The following ANO5 variants were observed in gnomAD, a reference collection of about 807,000 sequenced individuals.
ANO5 encodes anoctamin-5.
Under a neutral mutation model 121.0 loss-of-function variants are expected in ANO5, and 109 were observed. That is an observed-to-expected ratio of 0.90 (90% CI 0.77 to 1.06). ANO5 has a LOEUF of 1.06. Ranked by LOEUF, ANO5 falls within the 50% of genes least tolerant of loss-of-function variation. ANO5 has a pLI of 0.00. For missense variants in ANO5, 1,064 were observed against 1,078.5 expected, an observed-to-expected ratio of 0.99 and a Z score of 0.19; for synonymous variants, 406 against 359.9, an observed-to-expected ratio of 1.13 and a Z score of -1.45.
intron 12 of ANO5, among the ~76,000 whole-genome samples, chr11:22,252,295 C>A (rs1312423640): frequency 6.6e-6 from 1 of 152,076 alleles, no homozygotes; most frequent in Non-Finnish European, 1.5e-5. Flanking sequence ...CCAAATCCTA[C>A]CTCTCATTAC....
At chr11:22,260,282 A>G (rs1214621139) in intron 15 of ANO5, among the ~76,000 whole-genome samples, 2 of 152,200 alleles carry the variant, frequency 1.3e-5, no homozygotes, top group Non-Finnish European at 2.9e-5. Context: ...GTTAAGTGAG[A>G]AATTGAGTTA....
At position 22,193,506 on chromosome 11, in the gene ANO5, A is replaced by G; in HGVS notation, c.14A>G (p.Asp5Gly). 6.2e-7 allele frequency: 1 copy of G among 1,613,056 alleles called. No homozygotes were observed. The highest frequency in any genetic ancestry group is 8.5e-7 in the Non-Finnish European group (1 of 1,179,762). Reference sequence around the variant, plus strand: ...GAGCTGGCGAAGATGGGCGACCCGGATCTCCTGGAAGTGTTGGCGGAGGAA... The same window carrying G: ...GAGCTGGCGAAGATGGGCGACCCGGGTCTCCTGGAAGTGTTGGCGGAGGAA... The part of the protein sequence containing the change: MGDP[D>G]LLEVLAEEGE... Residue 5 changes from aspartate to glycine, a missense_variant, in exon 1 of 22, where the codon GAT becomes GGT. By Grantham distance (94) the Asp-to-Gly change is moderately conservative. Coordinates refer to ENST00000324559, the MANE Select transcript of ANO5 (RefSeq NM_213599.3).
In ANO5 at chr11:22,225,770, G is replaced by A. The variant is rs184707536; in HGVS notation, c.295-214G>A. Among the ~76,000 whole-genome samples the A allele has an allele frequency of 2.0e-3, 310 of 152,076 alleles. 2 individuals are homozygous for A. Among genetic ancestry groups the A allele is most frequent in the Non-Finnish European group, 3.3e-3 (222 of 67,974 alleles). On this transcript the variant is annotated intron_variant, in intron 5 of 21. Transcript: ENST00000324559. ...AGATAGAGGCTCTGCATATTTCCTGGTGATTATTCCTGGATATACTGCATT... is the reference window on the plus strand; with the variant it reads ...AGATAGAGGCTCTGCATATTTCCTGATGATTATTCCTGGATATACTGCATT...
At chr11:22,271,859 C>T (rs1385947550) in intron 18 of ANO5, among the ~76,000 whole-genome samples, 3 of 152,072 alleles carry the variant, frequency 2.0e-5, no homozygotes, top group African/African-American at 7.2e-5. Context: ...CATAATACTT[C>T]CTCTTCATTT....
At chr11:22,227,217 A>G (rs760782029) in intron 6 of ANO5, 85 bp from the exon 7 acceptor site, 16 of 1,535,706 alleles carry the variant, frequency 1.0e-5, no homozygotes, top group Non-Finnish European at 1.3e-5. Flanking sequence ...TTGAGATTTT[A>G]TAAAATATTA....
intron 18 of ANO5, among the ~76,000 whole-genome samples, chr11:22,271,294 C>T (rs1854603395): frequency 6.6e-6 from 1 of 152,114 alleles, no homozygotes; most frequent in Non-Finnish European, 1.5e-5. Flanking sequence ...ATGATTCTCC[C>T]GCCTCGGCCT....
chr11:22,280,382 TTC>T lies in ANO5; in HGVS notation c.*620_*621del, dbSNP rs1286741210. 1.3e-5 allele frequency: 2 copies of T among 151,928 alleles called. No homozygotes were observed. Among genetic ancestry groups the T allele is most frequent in the African/African-American group, 4.8e-5 (2 of 41,402 alleles). 9.4% of individuals were successfully genotyped at this position (151,928 alleles called of 1,614,324 possible). A position where few individuals can be genotyped will look rare whatever the true frequency, so the allele number is the denominator to read the frequency against. On this transcript the variant is annotated 3_prime_UTR_variant, in exon 22 of 22. Transcript: ENST00000324559. ...CTTCCTGGTAAAGGCAGAATTCCTTTTCTCGAGACTGAAATTTTGGGTTTCAA... is the reference window on the plus strand; with the variant it reads ...CTTCCTGGTAAAGGCAGAATTCCTTTTCGAGACTGAAATTTTGGGTTTCAA...
chr11:22,197,076 C>A, intron 1 of ANO5, among the ~76,000 whole-genome samples: 1 of 152,220 alleles, frequency 6.6e-6, no homozygotes, highest in East Asian at 1.9e-4. Context: ...TTCTAAATCA[C>A]CTTTAAATAC....
chr11:22,274,810 T>C (rs1381270547), intron 20 of ANO5, 63 bp downstream of exon 20: 16 of 1,557,368 alleles, frequency 1.0e-5, no homozygotes, highest in Non-Finnish European at 1.2e-5. Flanking sequence ...TCTTAAGTTA[T>C]CTATTACCTT....
intron 3 of ANO5, 143 bp from the exon 4 acceptor site, chr11:22,218,103 C>T: frequency 5.6e-6 from 1 of 178,612 alleles, no homozygotes; most frequent in South Asian, 1.6e-4. Flanking sequence ...TTGTATCCTC[C>T]AGTTTGAAAT....
At chr11:22,267,195 C>A (rs1854396103) in intron 17 of ANO5, among the ~76,000 whole-genome samples, 1 of 151,996 alleles carries the variant, frequency 6.6e-6, no homozygotes, top group Admixed American at 6.6e-5. Flanking sequence ...CACACACATA[C>A]ACAAAGATAT....
intron 3 of ANO5, among the ~76,000 whole-genome samples, chr11:22,214,643 G>A (rs117898271): frequency 0.039 from 5,911 of 151,964 alleles, 157 homozygotes; most frequent in Admixed American, 0.084. Flanking sequence ...AATGATCTTT[G>A]GTGAGGGGAC....
In ANO5 at chr11:22,252,055, A is replaced by AAC. The variant is rs1564937280; in HGVS notation, c.1180+1045_1180+1046insCA. On this transcript the variant is annotated intron_variant, in intron 12 of 21. Transcript: ENST00000324559. Reference sequence around the variant, plus strand: ...AAAAAAAAAAAAAAAAAAAAAAAAAAAAAACTAGGCAAGGGCTGCATTATC... The same window carrying AAC: ...AAAAAAAAAAAAAAAAAAAAAAAAAAACAAAACTAGGCAAGGGCTGCATTATC... Among the ~76,000 whole-genome samples the AAC allele has an allele frequency of 1.2e-3, 171 of 137,848 alleles. 1 individual carries two copies. Among genetic ancestry groups the AAC allele is most frequent in the African/African-American group, 5.1e-3 (169 of 33,384 alleles). The allele number at this position is 137,848 out of a possible 152,430, so 90.4% of individuals were successfully genotyped here. A position where few individuals can be genotyped will look rare whatever the true frequency, so the allele number is the denominator to read the frequency against.
intron 13 of ANO5, among the ~76,000 whole-genome samples, chr11:22,256,306 A>G (rs11026477): frequency 0.12 from 18,587 of 152,122 alleles, 1,392 homozygotes; most frequent in Admixed American, 0.19. Flanking sequence ...TGTGTCCTAA[A>G]TACACTCTCT....
intron 7 of ANO5, among the ~76,000 whole-genome samples, chr11:22,234,620 A>G (rs1382476177): frequency 6.6e-6 from 1 of 152,092 alleles, no homozygotes; most frequent in Non-Finnish European, 1.5e-5. Flanking sequence ...ATTTTTCATT[A>G]GTGTTTTGAA....
intron 8 of ANO5, among the ~76,000 whole-genome samples, chr11:22,238,729 TA>T (rs1590264698): frequency 1.3e-5 from 2 of 152,130 alleles, no homozygotes; most frequent in Admixed American, 6.6e-5. Context: ...TTATTTTATT[TA>T]TTTTTTTAAC....
chr11:22,225,495 C>T (rs1253860929), intron 5 of ANO5, among the ~76,000 whole-genome samples: 1 of 151,892 alleles, frequency 6.6e-6, no homozygotes, highest in African/African-American at 2.4e-5. Context: ...AACTAAGCAC[C>T]CAAGTGGTTA....
rs1246080282 is a variant in ANO5 at position 22,282,345 on chromosome 11, C to A, written c.*2580C>A. The A allele has an allele frequency of 6.6e-6, 1 of 152,166 alleles. No individual in the cohort carries two copies. The highest frequency in any genetic ancestry group is 6.5e-5 in the Admixed American group (1 of 15,280). The allele number at this position is 152,166 out of a possible 1,614,324, so 9.4% of individuals were successfully genotyped here. A position where few individuals can be genotyped will look rare whatever the true frequency, so the allele number is the denominator to read the frequency against. ...ACAGGAAGCAAAATCTACTTCAAGA[C>A]ATTTATTTTAGAGGAATCCATTAAG... On this transcript the variant is annotated 3_prime_UTR_variant, in exon 22 of 22. Coordinates refer to ENST00000324559, the MANE Select transcript of ANO5 (RefSeq NM_213599.3).
In ANO5 at chr11:22,193,261, G is replaced by A; in HGVS notation, c.-232G>A. On this transcript the variant is annotated 5_prime_UTR_variant, in exon 1 of 22. Coordinates refer to ENST00000324559, the MANE Select transcript of ANO5 (RefSeq NM_213599.3). ...AGGTTGTGGGGGACCGGGTCGAGTG[G>A]AAGTACCCGCCGGAGAGGAAGGCCG... 3 of 1,156,118 alleles carry A rather than the reference G, an allele frequency of 2.6e-6. No homozygotes were observed. In the South Asian group the frequency reaches 7.8e-5, roughly 30 times the overall value. The allele number at this position is 1,156,118 out of a possible 1,614,324, so 71.6% of individuals were successfully genotyped here.
Sources: allele counts gnomAD v4.1 joint callset (sites outside exome capture counted in the v4.1 genomes callset), GRCh38; gene constraint gnomAD v4.1.1; transcripts MANE v1.5; gene names NCBI Gene and HGNC (gene_info 2026-07-23, HGNC 2026-07-21).